Variants in SYNPR observed in about 807,000 individuals in gnomAD.
SYNPR encodes synaptoporin.
SYNPR carries 23 observed loss-of-function variants against 32.9 expected under a neutral mutation model. That is an observed-to-expected ratio of 0.70 (90% CI 0.50 to 0.99). The LOEUF is 0.99. SYNPR is among the 50% of genes least tolerant of loss of function. SYNPR has a pLI of 0.00. For missense variants in SYNPR, 318 were observed against 349.3 expected (o/e 0.91, Z 0.71); for synonymous variants, 146 against 135.9 (o/e 1.07, Z -0.52).
At chr3:63,559,038 A>G (rs571296564) in intron 4 of SYNPR, among the ~76,000 whole-genome samples, 3 of 151,448 alleles carry the variant, frequency 2.0e-5, no homozygotes, top group African/African-American at 7.3e-5. Context: ...AAAAATTGAT[A>G]CAATAATTTT....
chr3:63,307,122 C>G (rs1183023588), intron 2 of SYNPR, among the ~76,000 whole-genome samples: 2 of 151,902 alleles, frequency 1.3e-5, no homozygotes, highest in Non-Finnish European at 2.9e-5. Context: ...ATTACAGTGT[C>G]CAAATTAGTT....
intron 2 of SYNPR, among the ~76,000 whole-genome samples, chr3:63,434,886 A>C (rs7639958): frequency 0.12 from 19,019 of 152,182 alleles, 1,379 homozygotes; most frequent in East Asian, 0.29. Flanking sequence ...AATAATAAGC[A>C]AAGACTTATT....
chr3:63,240,171 C>A (rs1426751351), intron 1 of SYNPR, among the ~76,000 whole-genome samples: 1 of 152,042 alleles, frequency 6.6e-6, no homozygotes, highest in African/African-American at 2.4e-5. Flanking sequence ...ACATGCAAAG[C>A]AGTACAAACT....
chr3:63,522,786 A>G (rs1410222040), intron 3 of SYNPR, among the ~76,000 whole-genome samples: 3 of 152,144 alleles, frequency 2.0e-5, no homozygotes, highest in African/African-American at 7.2e-5. Flanking sequence ...GAAACATGGA[A>G]AGGGAGGCAA....
chr3:63,523,200 G>C (rs144748841), intron 3 of SYNPR, among the ~76,000 whole-genome samples: 11 of 152,248 alleles, frequency 7.2e-5, no homozygotes, highest in African/African-American at 2.6e-4. Context: ...CTGGAGGCTT[G>C]AGGGCAGAGT....
chr3:63,395,232 A>C (rs1215310874), intron 2 of SYNPR, among the ~76,000 whole-genome samples: 1 of 152,206 alleles, frequency 6.6e-6, no homozygotes, highest in East Asian at 1.9e-4. Flanking sequence ...TATTGGAAAT[A>C]ATATTACCAA....
chr3:63,595,977 TTA>T lies in SYNPR; in HGVS notation c.409-13137_409-13136del, dbSNP rs200491081. The stretch of plus-strand genomic sequence containing the variant: ...TATATATATAGTTTTATATATAGTT[TTA>T]TATATATATAGTTTTATATATATAT... On this transcript the variant is annotated intron_variant, in intron 4 of 5. Transcript: ENST00000478300. Among the ~76,000 whole-genome samples, 48 of 94,424 alleles carry T rather than the reference TTA, an allele frequency of 5.1e-4. No individual in the cohort carries two copies. In the South Asian group the frequency reaches 8.4e-3, roughly 17 times the overall value. 61.9% of individuals were successfully genotyped at this position (94,424 alleles called of 152,430 possible).
At chr3:63,451,084 A>G (rs1288761275) in intron 2 of SYNPR, among the ~76,000 whole-genome samples, 1 of 152,164 alleles carries the variant, frequency 6.6e-6, no homozygotes, top group Non-Finnish European at 1.5e-5. Flanking sequence ...TCGTATCTTC[A>G]TCTGCAAAAT....
intron 3 of SYNPR, among the ~76,000 whole-genome samples, chr3:63,508,196 T>C (rs544616934): frequency 3.3e-5 from 5 of 152,154 alleles, no homozygotes; most frequent in Non-Finnish European, 7.4e-5. Context: ...TGCTTCCTTC[T>C]GTGAGGATTT....
chr3:63,509,940 C>T (rs968301358), intron 3 of SYNPR, among the ~76,000 whole-genome samples: 1 of 149,782 alleles, frequency 6.7e-6, no homozygotes, highest in African/African-American at 2.4e-5. Flanking sequence ...TCTCTCCTTC[C>T]CCTCCTTTCT....
At position 63,472,018 on chromosome 3, in the gene SYNPR, G is replaced by A. The variant is rs574260811; in HGVS notation, c.85-8814G>A. On this transcript the variant is annotated intron_variant, in intron 2 of 5. Transcript: ENST00000478300. ...TAACTCCCTCCCCACGGCAGCCTGC[G>A]ATGCTGCGGAGTGGAGGCTTGGGTG... is the stretch of plus-strand genomic sequence containing the variant. Among the ~76,000 whole-genome samples, 6 of 152,310 alleles carry A rather than the reference G, an allele frequency of 3.9e-5. No homozygotes were observed. The South Asian group carries it at 8.3e-4, about 21-fold the overall frequency.
At chr3:63,263,557 G>A (rs558864692) in intron 2 of SYNPR, among the ~76,000 whole-genome samples, 2 of 152,306 alleles carry the variant, frequency 1.3e-5, no homozygotes, top group East Asian at 1.9e-4. Context: ...GGAGGCTCAC[G>A]TCTGTTCCAC....
At chr3:63,431,787 A>G (rs575959121) in intron 2 of SYNPR, among the ~76,000 whole-genome samples, 4 of 152,034 alleles carry the variant, frequency 2.6e-5, no homozygotes, top group African/African-American at 9.6e-5. Context: ...GAACCAACAT[A>G]ATCTTTCCTT....
chr3:63,427,955 G>A (rs1274179686), intron 2 of SYNPR, among the ~76,000 whole-genome samples: 1 of 152,120 alleles, frequency 6.6e-6, no homozygotes, highest in Non-Finnish European at 1.5e-5. Context: ...CTCCAGAAAT[G>A]GAAACTGAAT....
At chr3:63,315,509 G>A (rs1355443070) in intron 2 of SYNPR, among the ~76,000 whole-genome samples, 1 of 151,954 alleles carries the variant, frequency 6.6e-6, no homozygotes, top group African/African-American at 2.4e-5. Flanking sequence ...TATTGTAAAA[G>A]GGGTTGAGTT....
In SYNPR at chr3:63,455,085, C is replaced by G. The variant is rs148998304; in HGVS notation, c.85-25747C>G. Among the ~76,000 whole-genome samples the G allele has an allele frequency of 3.2e-3, 490 of 152,170 alleles. 3 individuals are homozygous for G. Among genetic ancestry groups the G allele is most frequent in the Non-Finnish European group, 5.6e-3 (384 of 67,974 alleles). Reference sequence around the variant, plus strand: ...TAATTTAGGAATAATTTTATTCTTACTGGCCCTAATTTGACGTTATAGTTT... The same window carrying G: ...TAATTTAGGAATAATTTTATTCTTAGTGGCCCTAATTTGACGTTATAGTTT... On this transcript the variant is annotated intron_variant, in intron 2 of 5. Coordinates refer to ENST00000478300, the MANE Select transcript of SYNPR (RefSeq NM_001130003.2).
At chr3:63,447,143 A>G (rs1700292760) in intron 2 of SYNPR, among the ~76,000 whole-genome samples, 1 of 152,214 alleles carries the variant, frequency 6.6e-6, no homozygotes, top group South Asian at 2.1e-4. Flanking sequence ...TTCTAAATAT[A>G]CTAACGGCCA....
intron 4 of SYNPR, among the ~76,000 whole-genome samples, chr3:63,600,356 A>G (rs1472007765): frequency 6.6e-6 from 1 of 152,064 alleles, no homozygotes; most frequent in Non-Finnish European, 1.5e-5. Flanking sequence ...GGTCAAATCA[A>G]TGGGCTCCCT....
At chr3:63,327,222 A>G (rs1240192202) in intron 2 of SYNPR, among the ~76,000 whole-genome samples, 3 of 152,134 alleles carry the variant, frequency 2.0e-5, no homozygotes, top group African/African-American at 7.2e-5. Context: ...ACCCAAATGA[A>G]AAGGACAATA....
Sources: allele counts gnomAD v4.1 joint callset (sites outside exome capture counted in the v4.1 genomes callset), GRCh38; gene constraint gnomAD v4.1.1; transcripts MANE v1.5; gene names NCBI Gene and HGNC (gene_info 2026-07-23, HGNC 2026-07-21).